CC2D2A: variants seen among roughly 807,000 people sequenced by gnomAD.
CC2D2A encodes coiled-coil and C2 domain-containing protein 2A.
Under a neutral mutation model 212.9 loss-of-function variants are expected in CC2D2A, and 155 were observed. That is an observed-to-expected ratio of 0.73 (90% CI 0.64 to 0.83). The LOEUF is 0.83. Among genes scored for constraint, CC2D2A ranks in the 40% least tolerant of loss-of-function variants. The pLI is 0.00. For synonymous variants in CC2D2A, 667 were observed against 686.5 expected (o/e 0.97, Z 0.44); for missense variants, 1,856 against 1,956.2 (o/e 0.95, Z 0.97).
intron 3 of CC2D2A, chr4:15,479,446 C>G: frequency 1.2e-6 from 1 of 813,112 alleles, no homozygotes; most frequent in Non-Finnish European, 2.0e-6. Context: ...GAGAGAAGCG[C>G]CATTTTGAGC....
In CC2D2A at chr4:15,497,177, G is replaced by A. The variant is rs112652259; in HGVS notation, c.248-5252G>A. 4.0e-3 allele frequency among the ~76,000 whole-genome samples: 610 copies of A among 152,246 alleles called. 5 individuals are homozygous for A. The highest frequency in any genetic ancestry group is 0.014 in the African/African-American group (573 of 41,556). ...ACTTCAAACTATACTGCAAGGATAC[G>A]GTAACTAAAACAGCATGGTACAGGT... On this transcript the variant is annotated intron_variant, in intron 4 of 36. Transcript: ENST00000424120.
At chr4:15,509,809 C>G (rs1191580220) in intron 6 of CC2D2A, among the ~76,000 whole-genome samples, 2 of 152,176 alleles carry the variant, frequency 1.3e-5, no homozygotes, top group Non-Finnish European at 2.9e-5. Flanking sequence ...CACACCAAGG[C>G]TGCAAACCTG....
At chr4:15,600,761 G>A (rs997736883) in intron 36 of CC2D2A, among the ~76,000 whole-genome samples, 3 of 151,904 alleles carry the variant, frequency 2.0e-5, no homozygotes, top group Non-Finnish European at 4.4e-5. Flanking sequence ...AAGTAGCCAG[G>A]ATGGTGGCAC....
chr4:15,481,909 C>T (rs1326742695), intron 4 of CC2D2A: 1 of 985,246 alleles, frequency 1.0e-6, no homozygotes, highest in African/African-American at 1.7e-5. Context: ...TCTGAGGCTC[C>T]TGGTGACCTT....
chr4:15,574,098 C>T lies in CC2D2A; in HGVS notation c.3595-52C>T, dbSNP rs553149247. The stretch of plus-strand genomic sequence containing the variant: ...TGAGGAGTTGACACTTGCCTCTCAA[C>T]TTCTGTTGGAAAAAGCATCAGGATG... On this transcript the variant is annotated intron_variant, in intron 28 of 36. Transcript: ENST00000424120. The T allele has an allele frequency of 9.5e-5, 137 of 1,443,318 alleles. No individual in the cohort carries two copies. The African/African-American group carries it at 1.8e-3, about 19-fold the overall frequency. The allele number at this position is 1,443,318 out of a possible 1,614,324, so 89.4% of individuals were successfully genotyped here. A position where few individuals can be genotyped will look rare whatever the true frequency, so the allele number is the denominator to read the frequency against.
chr4:15,541,155 T>TA, intron 17 of CC2D2A, 141 bp downstream of exon 17: 1 of 560,034 alleles, frequency 1.8e-6, no homozygotes, highest in Non-Finnish European at 2.9e-6. Context: ...CTACTGTAAA[T>TA]ACAAAAAAAA....
At chr4:15,470,680 TCTCTCTCTCTATATATATA>T (rs1560382957) in intron 1 of CC2D2A, among the ~76,000 whole-genome samples, 9 of 50,848 alleles carry the variant, frequency 1.8e-4, no homozygotes, top group African/African-American at 5.8e-4. Context: ...TCTCTCTCTC[TCTCTCTCTCTATATATATA>T]TATATATATA....
chr4:15,492,130 C>T (rs1715336799), intron 4 of CC2D2A, among the ~76,000 whole-genome samples: 1 of 152,196 alleles, frequency 6.6e-6, no homozygotes, highest in African/African-American at 2.4e-5. Context: ...TAGAGTCATC[C>T]CCACCCCATT....
At chr4:15,585,694 C>T (rs965138120) in intron 30 of CC2D2A, among the ~76,000 whole-genome samples, 1 of 152,024 alleles carries the variant, frequency 6.6e-6, no homozygotes. Flanking sequence ...TGCCAATTAC[C>T]CTGATTTCAA....
intron 6 of CC2D2A, 113 bp downstream of exon 6, chr4:15,503,036 A>C: frequency 1.4e-6 from 1 of 697,188 alleles, no homozygotes; most frequent in South Asian, 2.0e-5. Context: ...AATGCTTATT[A>C]ATAATTATAA....
chr4:15,580,359 G>A (rs1402410611), intron 30 of CC2D2A, among the ~76,000 whole-genome samples, 188 bp downstream of exon 30: 1 of 152,130 alleles, frequency 6.6e-6, no homozygotes, highest in African/African-American at 2.4e-5. Flanking sequence ...TCTGAAGGCA[G>A]CCAGGCAGTG....
At chr4:15,600,484 C>G (rs143064372) in intron 36 of CC2D2A, among the ~76,000 whole-genome samples, 1 of 152,246 alleles carries the variant, frequency 6.6e-6, no homozygotes, top group South Asian at 2.1e-4. Context: ...TTCACATCTG[C>G]GCACATACTA....
chr4:15,528,548 T>G, intron 12 of CC2D2A, 72 bp from the exon 13 acceptor site: 1 of 1,244,532 alleles, frequency 8.0e-7, no homozygotes. Context: ...CCAGGAGAAG[T>G]GGGTGGGTCC....
intron 4 of CC2D2A, among the ~76,000 whole-genome samples, chr4:15,500,129 A>G (rs183674950): frequency 0.01 from 1,425 of 141,186 alleles, 31 homozygotes; most frequent in African/African-American, 0.037. Context: ...ATATATATAT[A>G]TATGTATTTT....
At chr4:15,579,854 G>C in intron 29 of CC2D2A, 114 bp from the exon 30 acceptor site, 5 of 779,718 alleles carry the variant, frequency 6.4e-6, no homozygotes, top group Non-Finnish European at 1.1e-5. Flanking sequence ...AGCTTTGTAA[G>C]GAGTCAGTCA....
At chr4:15,488,524 T>A (rs578222799) in intron 4 of CC2D2A, among the ~76,000 whole-genome samples, 153 of 152,310 alleles carry the variant, frequency 1.0e-3, no homozygotes, top group Non-Finnish European at 1.8e-3. Flanking sequence ...CTTTTGAGAG[T>A]GATTTTTATA....
At chr4:15,491,180 C>A (rs551309371) in intron 4 of CC2D2A, among the ~76,000 whole-genome samples, 1 of 152,114 alleles carries the variant, frequency 6.6e-6, no homozygotes, top group African/African-American at 2.4e-5. Flanking sequence ...ATATACTTTT[C>A]AAAGTGGCTG....
intron 29 of CC2D2A, among the ~76,000 whole-genome samples, chr4:15,577,275 T>C (rs1030509531): frequency 7.2e-5 from 11 of 152,130 alleles, no homozygotes; most frequent in Admixed American, 6.6e-4. Flanking sequence ...AGATTACAGG[T>C]GTGAGCCACT....
At chr4:15,560,429 G>T in intron 22 of CC2D2A, 102 bp from the exon 23 acceptor site, 1 of 614,190 alleles carries the variant, frequency 1.6e-6, no homozygotes. Context: ...CTGGAGGACT[G>T]GGGGGACACT....
Sources: gnomAD v4.1 joint callset for allele counts (sites outside exome capture counted in the v4.1 genomes callset) on GRCh38, gnomAD v4.1.1 for gene constraint, MANE v1.5 for transcripts, NCBI Gene and HGNC (gene_info 2026-07-23, HGNC 2026-07-21) for gene names.